CNTNAP5: variants seen among roughly 807,000 people sequenced by gnomAD.
CNTNAP5 encodes contactin-associated protein-like 5.
A neutral mutation model predicts 150.2 loss-of-function variants in CNTNAP5; 72 were observed. The observed-to-expected ratio is 0.48, with a 90% CI of 0.40 to 0.58. The LOEUF is 0.58. Among genes scored for constraint, CNTNAP5 ranks in the 20% least tolerant of loss-of-function variants. The pLI is 0.00. For synonymous variants in CNTNAP5, 672 were observed against 619.8 expected (o/e 1.08, Z -1.25); for missense variants, 1,636 against 1,626.2 (o/e 1.01, Z -0.10).
intron 6 of CNTNAP5, among the ~76,000 whole-genome samples, chr2:124,455,923 T>C (rs1281051423): frequency 6.6e-6 from 1 of 152,104 alleles, no homozygotes; most frequent in Non-Finnish European, 1.5e-5. Context: ...TTCCATGTAA[T>C]AAAAGCCATC....
chr2:124,819,258 G>A (rs1682434317), intron 19 of CNTNAP5, among the ~76,000 whole-genome samples: 1 of 152,150 alleles, frequency 6.6e-6, no homozygotes, highest in Admixed American at 6.5e-5. Flanking sequence ...CTAGGATGGA[G>A]TTTAGCACAG....
intron 3 of CNTNAP5, among the ~76,000 whole-genome samples, chr2:124,394,438 GA>G (rs1178400687): frequency 1.3e-5 from 2 of 151,820 alleles, no homozygotes; most frequent in Non-Finnish European, 2.9e-5. Flanking sequence ...TGCAGAGCAT[GA>G]AAAGAGGAGA....
chr2:124,894,453 A>G (rs1399571266), intron 21 of CNTNAP5, among the ~76,000 whole-genome samples: 1 of 151,600 alleles, frequency 6.6e-6, no homozygotes, highest in East Asian at 1.9e-4. Context: ...TCAAGTAAAT[A>G]ATGAACAACC....
chr2:124,677,012 G>C (rs1371008949), intron 13 of CNTNAP5, among the ~76,000 whole-genome samples: 3 of 152,266 alleles, frequency 2.0e-5, no homozygotes, highest in African/African-American at 7.2e-5. Context: ...AATATGTCCG[G>C]AATTGATTCC....
At chr2:124,229,976 A>G (rs184430783) in intron 2 of CNTNAP5, among the ~76,000 whole-genome samples, 13 of 152,058 alleles carry the variant, frequency 8.5e-5, no homozygotes, top group Non-Finnish European at 1.6e-4. Context: ...TCCTCACTCA[A>G]TGTATTTTTT....
intron 1 of CNTNAP5, among the ~76,000 whole-genome samples, chr2:124,069,073 C>T (rs1027212979): frequency 2.0e-5 from 3 of 152,064 alleles, no homozygotes; most frequent in African/African-American, 7.2e-5. Flanking sequence ...TCTTGGATAA[C>T]ATTACTGGAC....
chr2:124,428,275 C>T (rs1692289208), intron 4 of CNTNAP5, among the ~76,000 whole-genome samples: 1 of 152,168 alleles, frequency 6.6e-6, no homozygotes, highest in Non-Finnish European at 1.5e-5. Context: ...ACCCTCTGCC[C>T]CTCCCTGGAG....
chr2:124,566,845 C>T (rs1696036436), intron 11 of CNTNAP5, among the ~76,000 whole-genome samples: 1 of 152,178 alleles, frequency 6.6e-6, no homozygotes, highest in Admixed American at 6.5e-5. Context: ...GTCCCACTCA[C>T]AGGCCAGGTG....
intron 19 of CNTNAP5, among the ~76,000 whole-genome samples, chr2:124,860,957 C>T (rs547611736): frequency 4.6e-5 from 7 of 152,036 alleles, no homozygotes; most frequent in African/African-American, 1.7e-4. Context: ...TTAAATCTGA[C>T]CTCATCATTT....
At chr2:124,706,868 GGGAAAGGGAAGA>G (rs1558743168) in intron 13 of CNTNAP5, among the ~76,000 whole-genome samples, 263 of 10,704 alleles carry the variant, frequency 0.025, 42 homozygotes, top group African/African-American at 0.095. Flanking sequence ...GAAGGAGAAG[GGGAAAGGGAAGA>G]AGAAGAGGAA....
intron 3 of CNTNAP5, among the ~76,000 whole-genome samples, chr2:124,339,612 A>C (rs1689560031): frequency 6.6e-6 from 1 of 152,174 alleles, no homozygotes; most frequent in South Asian, 2.1e-4. Flanking sequence ...AATATGTGTA[A>C]TTGCCTGATG....
At chr2:124,762,457 G>A (rs562177235) in intron 14 of CNTNAP5, among the ~76,000 whole-genome samples, 1 of 152,090 alleles carries the variant, frequency 6.6e-6, no homozygotes, top group South Asian at 2.1e-4. Flanking sequence ...ACTTGCCTGG[G>A]GCCACAGAGT....
chr2:124,047,868 C>G (rs1213874881), intron 1 of CNTNAP5, among the ~76,000 whole-genome samples: 1 of 152,128 alleles, frequency 6.6e-6, no homozygotes, highest in Non-Finnish European at 1.5e-5. Context: ...GCCACTTAGA[C>G]CCAGGATCAG....
At chr2:124,173,273 G>A (rs1388419488) in intron 1 of CNTNAP5, among the ~76,000 whole-genome samples, 2 of 152,152 alleles carry the variant, frequency 1.3e-5, no homozygotes, top group African/African-American at 4.8e-5. Context: ...CCATGCAATA[G>A]CCTCTCAGTA....
At chr2:124,264,683 G>T (rs1687558096) in intron 3 of CNTNAP5, among the ~76,000 whole-genome samples, 1 of 152,204 alleles carries the variant, frequency 6.6e-6, no homozygotes, top group African/African-American at 2.4e-5. Flanking sequence ...CTCTGGCCAA[G>T]GTAGGAGGGT....
intron 19 of CNTNAP5, among the ~76,000 whole-genome samples, chr2:124,853,571 C>A (rs67873818): frequency 0.19 from 29,382 of 152,126 alleles, 3,474 homozygotes; most frequent in African/African-American, 0.33. Context: ...AATAGTATAT[C>A]ACTTTTTGTT....
chr2:124,546,994 G>A (rs1457300255), intron 10 of CNTNAP5, among the ~76,000 whole-genome samples: 1 of 152,152 alleles, frequency 6.6e-6, no homozygotes, highest in African/African-American at 2.4e-5. Flanking sequence ...TTTTATATGT[G>A]TAAATATTTA....
chr2:124,743,703 T>C (rs1293621729), intron 13 of CNTNAP5, among the ~76,000 whole-genome samples: 1 of 152,224 alleles, frequency 6.6e-6, no homozygotes, highest in African/African-American at 2.4e-5. Context: ...ACATTTTGGC[T>C]TGGAACAGGC....
intron 13 of CNTNAP5, among the ~76,000 whole-genome samples, chr2:124,684,987 A>C (rs1441793192): frequency 6.6e-6 from 1 of 152,086 alleles, no homozygotes; most frequent in African/African-American, 2.4e-5. Flanking sequence ...GGTAGCCCTC[A>C]ACAGATGCTG....
Sources: allele counts gnomAD v4.1 joint callset (sites outside exome capture counted in the v4.1 genomes callset), GRCh38; gene constraint gnomAD v4.1.1; transcripts MANE v1.5; gene names NCBI Gene and HGNC (gene_info 2026-07-23, HGNC 2026-07-21).